NFIA: variants seen among roughly 807,000 people sequenced by gnomAD.
NFIA encodes the protein nuclear factor I A, also known as nuclear factor 1 A-type.
NFIA carries 8 observed loss-of-function variants against 62.8 expected under a neutral mutation model. The ratio of observed to expected loss-of-function variants is 0.13; its 90% confidence interval spans 0.07 to 0.23. The LOEUF (loss-of-function observed/expected upper bound fraction) is 0.23, where lower values mean the gene tolerates loss of function less well. Among genes scored for constraint, NFIA ranks in the 10% least tolerant of loss-of-function variants. NFIA has a pLI of 1.00. For missense variants in NFIA, 410 were observed against 642.1 expected (o/e 0.64, Z 3.91); for synonymous variants, 235 against 238.1 (o/e 0.99, Z 0.12).
chr1:61,254,136 G>A (rs543907811), intron 2 of NFIA, among the ~76,000 whole-genome samples: 1 of 152,308 alleles, frequency 6.6e-6, no homozygotes, highest in Non-Finnish European at 1.5e-5. Flanking sequence ...TTGTGGCACT[G>A]AAAATGAGAT....
In NFIA at chr1:61,455,513, A is replaced by AG. The variant is rs1668262115; in HGVS notation, c.*193_*194insG. The AG allele has an allele frequency of 3.4e-6, 2 of 583,248 alleles. No homozygotes were observed. Among genetic ancestry groups the AG allele is most frequent in the South Asian group, 5.6e-5 (2 of 35,826 alleles). 36.1% of individuals were successfully genotyped at this position (583,248 alleles called of 1,614,324 possible). ...ACAGCAAAGGCCATAACCTTTTGGG[A>AG]TTTTTTTTTTTTTAAAATACTTTAG... On this transcript the variant is annotated 3_prime_UTR_variant, in exon 11 of 11. Coordinates refer to ENST00000403491, the MANE Select transcript of NFIA (RefSeq NM_001134673.4).
At chr1:61,367,542 A>G (rs1663655749) in intron 6 of NFIA, among the ~76,000 whole-genome samples, 1 of 152,186 alleles carries the variant, frequency 6.6e-6, no homozygotes, top group African/African-American at 2.4e-5. Context: ...AGACTGGTAC[A>G]CCAGGGGACA....
intron 3 of NFIA, among the ~76,000 whole-genome samples, chr1:61,331,079 T>C (rs1330405959): frequency 6.6e-6 from 1 of 152,208 alleles, no homozygotes; most frequent in Non-Finnish European, 1.5e-5. Flanking sequence ...GCCAATTGAA[T>C]ACCTGGGTGT....
intron 2 of NFIA, among the ~76,000 whole-genome samples, chr1:61,164,320 G>A (rs1189623283): frequency 4.6e-5 from 7 of 152,098 alleles, no homozygotes; most frequent in African/African-American, 1.7e-4. Context: ...CCATTTATCA[G>A]GAAAGTGAAA....
At chr1:61,078,179 A>C (rs1449252167), upstream of NFIA, among the ~76,000 whole-genome samples, 3 of 151,926 alleles carry the variant, frequency 2.0e-5, no homozygotes, top group Non-Finnish European at 4.4e-5. Context: ...TGCAGCTCTG[A>C]AGGGGATGGT....
At chr1:61,081,963 C>A, upstream of NFIA, 1 of 1,549,626 alleles carries the variant, frequency 6.5e-7, no homozygotes, top group Non-Finnish European at 8.7e-7. Context: ...TGCCGCCCGG[C>A]CTCCTCCTCG....
intron 3 of NFIA, among the ~76,000 whole-genome samples, chr1:61,323,338 T>C (rs1398695120): frequency 6.6e-6 from 1 of 152,218 alleles, no homozygotes; most frequent in Non-Finnish European, 1.5e-5. Context: ...ACTTTCTAGA[T>C]ATAGAAGTGT....
At chr1:61,210,321 T>A (rs1357792045) in intron 2 of NFIA, among the ~76,000 whole-genome samples, 1 of 152,208 alleles carries the variant, frequency 6.6e-6, no homozygotes, top group Non-Finnish European at 1.5e-5. Context: ...AATTTTGCTG[T>A]GTTATGGTAT....
At chr1:61,317,475 C>T (rs570024985) in intron 3 of NFIA, among the ~76,000 whole-genome samples, 1 of 151,936 alleles carries the variant, frequency 6.6e-6, no homozygotes, top group African/African-American at 2.4e-5. Context: ...AATATATATA[C>T]TAATATGATT....
chr1:61,387,467 T>A (rs1051139917), intron 7 of NFIA, among the ~76,000 whole-genome samples: 5 of 111,552 alleles, frequency 4.5e-5, no homozygotes, highest in African/African-American at 1.1e-4. Context: ...TCAAGCACTT[T>A]CTTTTTTTTT....
intron 6 of NFIA, among the ~76,000 whole-genome samples, chr1:61,360,871 C>T (rs191525862): frequency 1.3e-5 from 2 of 152,310 alleles, no homozygotes; most frequent in East Asian, 3.9e-4. Flanking sequence ...TTATCTTGCC[C>T]CTGCTATTAA....
intron 2 of NFIA, among the ~76,000 whole-genome samples, chr1:61,169,039 A>G (rs996657398): frequency 6.6e-6 from 1 of 152,210 alleles, no homozygotes; most frequent in African/African-American, 2.4e-5. Flanking sequence ...GGAAGCCTAA[A>G]TGCATAAAAT....
rs142463817 is a variant in NFIA, at chr1:61,390,276, G to A, written c.1075+6911G>A. Among the ~76,000 whole-genome samples the A allele has an allele frequency of 6.4e-3, 972 of 151,886 alleles. 10 individuals carry two copies. The highest frequency in any genetic ancestry group is 7.7e-3 in the Non-Finnish European group (525 of 67,932). The stretch of plus-strand genomic sequence containing the variant: ...TGCTCTTAGATAACTAAGTACCAAA[G>A]AATTCAGACATACGAAATGCAAACA... On this transcript the variant is annotated intron_variant, in intron 7 of 10. Transcript: ENST00000403491.
chr1:61,248,697 T>TTCC (rs1228852767), intron 2 of NFIA, among the ~76,000 whole-genome samples: 1 of 152,202 alleles, frequency 6.6e-6, no homozygotes, highest in Non-Finnish European at 1.5e-5. Context: ...AATAAGAAAC[T>TTCC]TCCACTCTAG....
chr1:61,336,734 GT>G (rs923314871), intron 4 of NFIA, among the ~76,000 whole-genome samples: 149 of 152,222 alleles, frequency 9.8e-4, no homozygotes, highest in African/African-American at 3.5e-3. Context: ...TCACTTAGAT[GT>G]TTTTGATGGT....
chr1:61,373,822 A>C (rs1305527896), intron 6 of NFIA, among the ~76,000 whole-genome samples: 1 of 152,110 alleles, frequency 6.6e-6, no homozygotes, highest in Non-Finnish European at 1.5e-5. Context: ...AAGACTAAAC[A>C]TGCTGAACAA....
intron 2 of NFIA, among the ~76,000 whole-genome samples, chr1:61,118,659 A>AGTGT (rs5774536): frequency 2.7e-4 from 39 of 145,294 alleles, no homozygotes; most frequent in African/African-American, 9.8e-4. Flanking sequence ...GGTCGGGATG[A>AGTGT]GTGTGTGTGT....
chr1:61,392,626 C>T (rs901968147), intron 7 of NFIA, among the ~76,000 whole-genome samples: 2 of 152,034 alleles, frequency 1.3e-5, no homozygotes, highest in Admixed American at 1.3e-4. Flanking sequence ...ATAATTTGTA[C>T]TGTGATAGAT....
chr1:61,414,069 A>T (rs549911505), intron 9 of NFIA, among the ~76,000 whole-genome samples: 1 of 152,062 alleles, frequency 6.6e-6, no homozygotes, highest in South Asian at 2.1e-4. Flanking sequence ...TGCAATCTCC[A>T]TCTTTCTGGT....
Sources: gnomAD v4.1 joint callset for allele counts (sites outside exome capture counted in the v4.1 genomes callset) on GRCh38, gnomAD v4.1.1 for gene constraint, MANE v1.5 for transcripts, NCBI Gene and HGNC (gene_info 2026-07-23, HGNC 2026-07-21) for gene names.